YPEL5: variants seen among roughly 807,000 people sequenced by gnomAD.
The protein encoded by YPEL5 is yippee like 5, also known as protein yippee-like 5.
In YPEL5, 1 loss-of-function variant was observed where a neutral mutation model predicts 10.5. The observed-to-expected ratio is 0.10, with a 90% CI of 0.03 to 0.45. The LOEUF is 0.45. YPEL5 is among the 20% of genes least tolerant of loss of function. The pLI is 0.97. For synonymous variants in YPEL5, 61 were observed against 56.6 expected, an observed-to-expected ratio of 1.08 and a Z score of -0.35; for missense variants, 68 against 159.3, an observed-to-expected ratio of 0.43 and a Z score of 3.09.
chr2:30,151,020 C>G (rs1021215819), intron 1 of YPEL5, among the ~76,000 whole-genome samples: 9 of 152,184 alleles, frequency 5.9e-5, no homozygotes, highest in African/African-American at 2.2e-4. Context: ...TCATTCTCAG[C>G]TTGTGGGCAG....
Position 30,159,190 on chromosome 2 carries a change from G to T in YPEL5, c.*347G>T. 1 of 208,908 alleles carries T rather than the reference G, an allele frequency of 4.8e-6. No homozygotes were observed. The highest frequency in any genetic ancestry group is 9.7e-6 in the Non-Finnish European group (1 of 103,090). The allele number at this position is 208,908 out of a possible 1,614,324, so 12.9% of individuals were successfully genotyped here. ...AGTGTGTTTTATGTCAATTGTGAAAGGAAAATGTTAGGAGTATGGTTTTTA... is the reference window on the plus strand; with the variant it reads ...AGTGTGTTTTATGTCAATTGTGAAATGAAAATGTTAGGAGTATGGTTTTTA... On this transcript the variant is annotated 3_prime_UTR_variant, in exon 3 of 3. Transcript: ENST00000261353.
At chr2:30,149,994 T>G (rs1404654043) in intron 1 of YPEL5, among the ~76,000 whole-genome samples, 2 of 152,254 alleles carry the variant, frequency 1.3e-5, no homozygotes, top group African/African-American at 2.4e-5. Flanking sequence ...GGCTGGGAAG[T>G]GGTGCCTCCC....
intron 1 of YPEL5, among the ~76,000 whole-genome samples, chr2:30,151,229 A>G (rs995783584): frequency 1.3e-5 from 2 of 152,234 alleles, no homozygotes; most frequent in East Asian, 3.8e-4. Flanking sequence ...CATCATATCC[A>G]TCATGCATTT....
intron 1 of YPEL5, 85 bp from the exon 2 acceptor site, chr2:30,156,543 A>T: frequency 8.0e-7 from 1 of 1,257,204 alleles, no homozygotes; most frequent in Non-Finnish European, 1.1e-6. Flanking sequence ...AAATACGTAT[A>T]CAAATTGTTC....
chr2:30,152,689 A>T (rs553146149), intron 1 of YPEL5, among the ~76,000 whole-genome samples: 1 of 152,218 alleles, frequency 6.6e-6, no homozygotes, highest in Non-Finnish European at 1.5e-5. Flanking sequence ...TAATTCATCT[A>T]TAAAAGTGAG....
At position 30,159,479 on chromosome 2, in the gene YPEL5, A is replaced by G. The variant is rs778977727; in HGVS notation, c.*636A>G. The G allele has an allele frequency of 2.6e-5, 4 of 152,736 alleles. No homozygotes were observed. Among genetic ancestry groups the G allele is most frequent in the Non-Finnish European group, 4.4e-5 (3 of 68,162 alleles). The allele number at this position is 152,736 out of a possible 1,614,324, so 9.5% of individuals were successfully genotyped here. ...GTGTTGATTGGAAACTTTTTCTGAG[A>G]TGGGACAGAACTGCTGGGTTGTCTT... On this transcript the variant is annotated 3_prime_UTR_variant, in exon 3 of 3. Transcript: ENST00000261353.
intron 1 of YPEL5, among the ~76,000 whole-genome samples, chr2:30,155,460 A>AT (rs1443535157): frequency 3.3e-5 from 5 of 151,738 alleles, no homozygotes; most frequent in Non-Finnish European, 5.9e-5. Flanking sequence ...TGCATTCTGG[A>AT]TTTTTTTTTC....
At chr2:30,148,031 C>G (rs1675581473) in intron 1 of YPEL5, 1 of 152,174 alleles carries the variant, frequency 6.6e-6, no homozygotes, top group Admixed American at 6.5e-5. Context: ...GGCCTTCCCT[C>G]CGCTTGCAGT....
chr2:30,156,716 C>A lies in YPEL5; in HGVS notation c.65C>A (p.Thr22Lys). 1 of 1,614,176 alleles carries A rather than the reference C, an allele frequency of 6.2e-7. No homozygotes were observed. Among genetic ancestry groups the A allele is most frequent in the Non-Finnish European group, 8.5e-7 (1 of 1,180,032 alleles). ...CTGTTTTCTTGTGCAAACTGTGATA[C>A]GATCCTGACCAACCGCTCAGAACTC... ...TRLFSCANCDTILTNRSELIS... is the reference protein window; with the variant it reads ...TRLFSCANCDKILTNRSELIS... The change falls in exon 2 of 3, where the codon ACG (threonine) becomes AAG (lysine). Residue 22 changes from threonine to lysine, a missense_variant. By Grantham distance (78) the Thr-to-Lys change is moderately conservative. This residue lies in a region of YPEL5 where 48 missense variants were observed against 138.4 expected (regional missense o/e 0.35). Transcript: ENST00000261353.
intron 2 of YPEL5, among the ~76,000 whole-genome samples, 176 bp downstream of exon 2, chr2:30,156,968 G>T (rs149022401): frequency 6.6e-6 from 1 of 152,278 alleles, no homozygotes; most frequent in African/African-American, 2.4e-5. Flanking sequence ...GGTGTTACTA[G>T]GATGTGATTT....
intron 2 of YPEL5, among the ~76,000 whole-genome samples, chr2:30,158,207 T>A (rs1005542432): frequency 6.6e-6 from 1 of 152,230 alleles, no homozygotes; most frequent in Non-Finnish European, 1.5e-5. Context: ...ACAGACTGTT[T>A]TATGGAATAA....
chr2:30,154,008 C>T (rs745746942), intron 1 of YPEL5, among the ~76,000 whole-genome samples: 14 of 152,150 alleles, frequency 9.2e-5, no homozygotes, highest in Non-Finnish European at 1.5e-4. Context: ...TGAAGTCCAG[C>T]GCATTTACCA....
intron 1 of YPEL5, among the ~76,000 whole-genome samples, chr2:30,151,495 C>G (rs1336905715): frequency 6.6e-6 from 1 of 152,172 alleles, no homozygotes; most frequent in Non-Finnish European, 1.5e-5. Context: ...ATAAATTTCA[C>G]TTATATTTTC....
rs187445170 is a variant in YPEL5 at position 30,153,101 on chromosome 2, C to A, written c.-24-3527C>A. Among the ~76,000 whole-genome samples, 7 of 152,218 alleles carry A rather than the reference C, an allele frequency of 4.6e-5. No homozygotes were observed. In the East Asian group the frequency reaches 1.4e-3, roughly 29 times the overall value. On this transcript the variant is annotated intron_variant, in intron 1 of 2. Transcript: ENST00000261353. ...TATTTTTAGTAGAGACGGGGTTTCA[C>A]AGTGTTAGCCAGGATGGTTTCGATC...
intron 1 of YPEL5, chr2:30,147,459 G>A (rs1675485592): frequency 6.7e-6 from 1 of 149,394 alleles, no homozygotes; most frequent in African/African-American, 2.4e-5. Context: ...TGGGCGGACG[G>A]TCTGGCCGCG....
intron 2 of YPEL5, 53 bp from the exon 3 acceptor site, chr2:30,158,566 T>C: frequency 6.4e-7 from 1 of 1,552,094 alleles, no homozygotes; most frequent in Non-Finnish European, 8.9e-7. Context: ...TTGTACATAC[T>C]TGGCAAATAA....
intron 1 of YPEL5, among the ~76,000 whole-genome samples, chr2:30,153,305 C>A (rs1022250744): frequency 1.3e-5 from 2 of 152,186 alleles, no homozygotes; most frequent in African/African-American, 4.8e-5. Context: ...TCTCCCAGTT[C>A]TAGAGGCCAG....
chr2:30,154,097 A>T (rs1675932909), intron 1 of YPEL5, among the ~76,000 whole-genome samples: 1 of 152,212 alleles, frequency 6.6e-6, no homozygotes, highest in South Asian at 2.1e-4. Context: ...TTACAACATG[A>T]ATATTGTATT....
intron 1 of YPEL5, chr2:30,147,447 C>T (rs1049854878): frequency 3.4e-5 from 5 of 149,208 alleles, no homozygotes; most frequent in African/African-American, 9.7e-5. Context: ...CACGGCGCCC[C>T]CTGGGCGGAC....
Sources: gnomAD v4.1 joint callset for allele counts (sites outside exome capture counted in the v4.1 genomes callset) on GRCh38, gnomAD v4.1.1 for gene constraint, gnomAD v4.1.1 regional missense constraint, MANE v1.5 for transcripts, NCBI Gene and HGNC (gene_info 2026-07-23, HGNC 2026-07-21) for gene names.